Variants in CFDP1 observed in about 807,000 individuals in gnomAD.
CFDP1 encodes heterochromatin-stabilizing protein CFDP1.
A neutral mutation model predicts 40.1 loss-of-function variants in CFDP1; 31 were observed. The ratio of observed to expected loss-of-function variants is 0.77; its 90% confidence interval spans 0.58 to 1.04. The LOEUF is 1.04. CFDP1 is among the 50% of genes least tolerant of loss of function. CFDP1 has a pLI of 0.00. For missense variants in CFDP1, 423 were observed against 343.4 expected (o/e 1.23, Z -1.83); for synonymous variants, 167 against 120.0 (o/e 1.39, Z -2.56).
intron 5 of CFDP1, among the ~76,000 whole-genome samples, chr16:75,341,466 T>G (rs1172718141): frequency 1.3e-5 from 2 of 152,176 alleles, no homozygotes; most frequent in Non-Finnish European, 2.9e-5. Flanking sequence ...GAGATTATCT[T>G]GAGGCTGTCA....
At chr16:75,428,482 G>A (rs766410409) in intron 1 of CFDP1, among the ~76,000 whole-genome samples, 12 of 152,016 alleles carry the variant, frequency 7.9e-5, no homozygotes, top group Admixed American at 3.3e-4. Context: ...GCCAGGTGTG[G>A]TGGCACGCGC....
At chr16:75,393,949 G>C (rs1403982877) in intron 5 of CFDP1, among the ~76,000 whole-genome samples, 1 of 151,744 alleles carries the variant, frequency 6.6e-6, no homozygotes, top group Non-Finnish European at 1.5e-5. Context: ...CAGCTACTCA[G>C]GAGGCTGAGG....
intron 4 of CFDP1, among the ~76,000 whole-genome samples, chr16:75,403,425 C>T (rs2151574098): frequency 1.3e-5 from 2 of 152,202 alleles, no homozygotes; most frequent in South Asian, 4.2e-4. Flanking sequence ...CTCCATGTTG[C>T]CCAGGCTGGT....
At chr16:75,411,297 C>T (rs774835328) in intron 4 of CFDP1, among the ~76,000 whole-genome samples, 4 of 151,638 alleles carry the variant, frequency 2.6e-5, no homozygotes, top group African/African-American at 4.8e-5. Context: ...CCCAGCTACT[C>T]GGGAGGCTGA....
chr16:75,325,829 T>C (rs1451367255), intron 5 of CFDP1, among the ~76,000 whole-genome samples: 1 of 152,198 alleles, frequency 6.6e-6, no homozygotes, highest in East Asian at 1.9e-4. Context: ...CTAGCTAGGT[T>C]TTCTACAGGG....
At chr16:75,431,452 C>G (rs2079414177) in intron 1 of CFDP1, among the ~76,000 whole-genome samples, 1 of 8,888 alleles carries the variant, frequency 1.1e-4, no homozygotes, top group Non-Finnish European at 3.3e-4. Flanking sequence ...AAACTCTTGT[C>G]TCAAAAAAAA....
At chr16:75,408,857 C>T (rs2079129079) in intron 4 of CFDP1, among the ~76,000 whole-genome samples, 1 of 151,724 alleles carries the variant, frequency 6.6e-6, no homozygotes, top group Non-Finnish European at 1.5e-5. Context: ...TTTTACTCAG[C>T]TTTTTGTTTT....
intron 5 of CFDP1, among the ~76,000 whole-genome samples, chr16:75,311,849 C>T (rs777933173): frequency 4.0e-5 from 6 of 150,782 alleles, no homozygotes; most frequent in African/African-American, 7.3e-5. Flanking sequence ...AAGCAATCCT[C>T]CTGCCTCAGC....
intron 4 of CFDP1, among the ~76,000 whole-genome samples, chr16:75,410,058 A>C (rs2079144261): frequency 1.1e-4 from 1 of 9,434 alleles, no homozygotes; most frequent in East Asian, 4.0e-3. Context: ...CCTTTCTCAA[A>C]AAAAAAAAAA....
At chr16:75,378,082 T>C (rs568267677) in intron 5 of CFDP1, among the ~76,000 whole-genome samples, 1 of 152,290 alleles carries the variant, frequency 6.6e-6, no homozygotes, top group East Asian at 1.9e-4. Flanking sequence ...GCTGAGGGAA[T>C]ACCATGTGCT....
intron 1 of CFDP1, 82 bp from the exon 2 acceptor site, chr16:75,414,777 A>C: frequency 1.2e-6 from 1 of 841,920 alleles, no homozygotes; most frequent in Admixed American, 2.2e-5. Flanking sequence ...ACAAGCTTTC[A>C]CACCGAGACA....
intron 5 of CFDP1, chr16:75,391,335 T>C (rs1000909164): frequency 2.0e-5 from 3 of 152,320 alleles, no homozygotes; most frequent in Middle Eastern, 3.4e-3. Context: ...TTCATAGCAA[T>C]ACTTTCAATA....
intron 5 of CFDP1, among the ~76,000 whole-genome samples, chr16:75,370,359 C>T (rs920328263): frequency 6.6e-5 from 10 of 151,686 alleles, no homozygotes; most frequent in Non-Finnish European, 1.5e-4. Flanking sequence ...TCCCAAAGTG[C>T]TGGGATTACC....
intron 5 of CFDP1, among the ~76,000 whole-genome samples, chr16:75,355,308 A>G (rs956403768): frequency 1.3e-5 from 2 of 152,220 alleles, no homozygotes; most frequent in Admixed American, 6.5e-5. Flanking sequence ...AGATTTCTGT[A>G]GCATGCAATG....
intron 5 of CFDP1, among the ~76,000 whole-genome samples, chr16:75,315,654 T>C (rs1471821690): frequency 2.0e-5 from 3 of 152,214 alleles, no homozygotes; most frequent in Non-Finnish European, 2.9e-5. Context: ...TTAGATTCAA[T>C]TGTTAACATT....
intron 5 of CFDP1, among the ~76,000 whole-genome samples, chr16:75,369,823 G>A (rs2078739295): frequency 6.6e-6 from 1 of 152,028 alleles, no homozygotes; most frequent in Non-Finnish European, 1.5e-5. Flanking sequence ...AGCGATCTTG[G>A]CTCACTAAAA....
chr16:75,298,704 C>T (rs919296285), intron 6 of CFDP1, among the ~76,000 whole-genome samples: 2 of 152,102 alleles, frequency 1.3e-5, no homozygotes, highest in Non-Finnish European at 2.9e-5. Context: ...GTACACCTCC[C>T]GCCTTCAGGA....
chr16:75,422,044 T>C (rs2865528), intron 1 of CFDP1, among the ~76,000 whole-genome samples: 75,278 of 152,180 alleles, frequency 0.49, 20,137 homozygotes, highest in Admixed American at 0.63. Context: ...AAAAAGTTTG[T>C]ACACATTCAG....
intron 1 of CFDP1, among the ~76,000 whole-genome samples, chr16:75,416,069 T>G (rs2079201920): frequency 6.6e-6 from 1 of 152,022 alleles, no homozygotes; most frequent in Admixed American, 6.6e-5. Context: ...GCCAGGCTGG[T>G]TTTGAATTCT....
Sources: gnomAD v4.1 joint callset for allele counts (sites outside exome capture counted in the v4.1 genomes callset) on GRCh38, gnomAD v4.1.1 for gene constraint, MANE v1.5 for transcripts, NCBI Gene and HGNC (gene_info 2026-07-23, HGNC 2026-07-21) for gene names.